The following NCALD variants were observed in gnomAD, a reference collection of about 807,000 sequenced individuals.
The protein encoded by NCALD is neurocalcin-delta.
NCALD carries 10 observed loss-of-function variants against 18.6 expected under a neutral mutation model. That is an observed-to-expected ratio of 0.54 (90% CI 0.33 to 0.91). The LOEUF (loss-of-function observed/expected upper bound fraction) is 0.91, where lower values mean the gene tolerates loss of function less well. NCALD is among the 40% of genes least tolerant of loss of function. The pLI is 0.03. For synonymous variants in NCALD, 88 were observed against 87.4 expected, an observed-to-expected ratio of 1.01 and a Z score of -0.04; for missense variants, 184 against 247.6, an observed-to-expected ratio of 0.74 and a Z score of 1.72.
intron 2 of NCALD, among the ~76,000 whole-genome samples, chr8:101,995,762 C>T (rs1821217947): frequency 6.6e-6 from 1 of 152,156 alleles, no homozygotes; most frequent in Non-Finnish European, 1.5e-5. Context: ...CAAACTATAT[C>T]ACATATGTTC....
intron 3 of NCALD, among the ~76,000 whole-genome samples, chr8:101,909,547 C>G (rs1217647715): frequency 6.6e-6 from 1 of 152,188 alleles, no homozygotes; most frequent in South Asian, 2.1e-4. Flanking sequence ...CCAAGAATTG[C>G]ATAAATTATC....
At chr8:101,943,959 A>G (rs1008604643) in intron 2 of NCALD, among the ~76,000 whole-genome samples, 1 of 137,216 alleles carries the variant, frequency 7.3e-6, no homozygotes, top group Non-Finnish European at 1.6e-5. Context: ...AAAACAAAAA[A>G]CAAAAAACAA....
chr8:101,891,710 G>A (rs1231702148), intron 3 of NCALD, among the ~76,000 whole-genome samples: 1 of 152,254 alleles, frequency 6.6e-6, no homozygotes, highest in East Asian at 1.9e-4. Flanking sequence ...GGAAGCGCAA[G>A]GGGTCAGGGA....
intron 2 of NCALD, among the ~76,000 whole-genome samples, chr8:101,695,260 G>C (rs531573928): frequency 6.6e-6 from 1 of 152,282 alleles, no homozygotes; most frequent in South Asian, 2.1e-4. Context: ...TTACAGACAA[G>C]GGATAAGTTT....
chr8:101,911,361 CTTTTT>C (rs56017823), intron 3 of NCALD, among the ~76,000 whole-genome samples: 46 of 137,706 alleles, frequency 3.3e-4, no homozygotes, highest in African/African-American at 1.0e-3. Flanking sequence ...TTTTTCTTTT[CTTTTT>C]TTTTTTTTTG....
chr8:101,946,076 CT>C (rs1819159506), intron 2 of NCALD, among the ~76,000 whole-genome samples: 1 of 152,086 alleles, frequency 6.6e-6, no homozygotes, highest in South Asian at 2.1e-4. Context: ...CTGCCTTTTA[CT>C]TTCTTTTGGT....
chr8:102,050,055 G>A (rs1367506103), intron 1 of NCALD, among the ~76,000 whole-genome samples: 4 of 149,314 alleles, frequency 2.7e-5, no homozygotes, highest in Non-Finnish European at 3.0e-5. Context: ...CCAGCTGCTC[G>A]GGAGGCTGAG....
intron 1 of NCALD, among the ~76,000 whole-genome samples, chr8:101,744,279 C>T (rs1440689934): frequency 6.6e-6 from 1 of 152,216 alleles, no homozygotes; most frequent in Non-Finnish European, 1.5e-5. Context: ...GGAATCCCAG[C>T]TCTGTCTTCC....
chr8:101,969,849 C>T (rs982996039), intron 2 of NCALD, among the ~76,000 whole-genome samples: 5 of 152,206 alleles, frequency 3.3e-5, no homozygotes, highest in African/African-American at 1.2e-4. Flanking sequence ...TTTCAGCCTT[C>T]TGCAGGCCAG....
chr8:101,861,241 G>A (rs911219071), intron 4 of NCALD, among the ~76,000 whole-genome samples: 7 of 152,070 alleles, frequency 4.6e-5, no homozygotes, highest in Non-Finnish European at 8.8e-5. Flanking sequence ...GGGCAACTTT[G>A]TTCCTCTTGA....
chr8:101,706,734 G>A (rs1306894039), intron 2 of NCALD, among the ~76,000 whole-genome samples: 1 of 152,192 alleles, frequency 6.6e-6, no homozygotes, highest in African/African-American at 2.4e-5. Context: ...TGATGACGGA[G>A]GCAGAGAATA....
chr8:102,076,714 CA>C (rs1438194939), intron 1 of NCALD, among the ~76,000 whole-genome samples: 3 of 90,374 alleles, frequency 3.3e-5, no homozygotes, highest in African/African-American at 1.4e-4. Context: ...ACCATGTACC[CA>C]AATGCTGGTG....
At chr8:101,691,881 G>T in intron 3 of NCALD, 5 of 985,438 alleles carry the variant, frequency 5.1e-6, no homozygotes, top group Non-Finnish European at 6.0e-6. Flanking sequence ...AATTGCCGAG[G>T]CCTCTGAACA....
intron 1 of NCALD, among the ~76,000 whole-genome samples, chr8:101,756,798 T>G (rs1264097866): frequency 3.9e-5 from 6 of 152,230 alleles, no homozygotes; most frequent in Non-Finnish European, 8.8e-5. Context: ...ATATACATTG[T>G]ATGTCTTGTT....
chr8:101,794,028 C>T (rs1812544208), upstream of NCALD, among the ~76,000 whole-genome samples: 1 of 152,166 alleles, frequency 6.6e-6, no homozygotes. Flanking sequence ...CTACTGGGTT[C>T]AAATTTCATC....
At chr8:102,044,155 TA>T (rs1372447426) in intron 1 of NCALD, among the ~76,000 whole-genome samples, 4 of 152,016 alleles carry the variant, frequency 2.6e-5, no homozygotes, top group Non-Finnish European at 5.9e-5. Flanking sequence ...GTATTATTTT[TA>T]AAAAGTTCTT....
intron 2 of NCALD, among the ~76,000 whole-genome samples, chr8:101,992,683 C>T (rs1821091729): frequency 6.6e-6 from 1 of 152,158 alleles, no homozygotes. Flanking sequence ...ACAGCAGTTT[C>T]TGGAATGGGG....
At chr8:101,715,458 C>G (rs1224012643) in intron 2 of NCALD, among the ~76,000 whole-genome samples, 1 of 151,564 alleles carries the variant, frequency 6.6e-6, no homozygotes, top group Non-Finnish European at 1.5e-5. Context: ...GCAATGGTAA[C>G]AAAAGCCAAT....
intron 4 of NCALD, among the ~76,000 whole-genome samples, chr8:101,800,584 T>C (rs2131073031): frequency 6.6e-6 from 1 of 151,686 alleles, no homozygotes; most frequent in East Asian, 1.9e-4. Flanking sequence ...AAAATAAACA[T>C]CATACTGTAT....
Sources: allele counts gnomAD v4.1 joint callset (sites outside exome capture counted in the v4.1 genomes callset), GRCh38; gene constraint gnomAD v4.1.1; transcripts MANE v1.5; gene names NCBI Gene and HGNC (gene_info 2026-07-23, HGNC 2026-07-21).